Variants in DOCK10 observed in about 807,000 individuals in gnomAD.
The protein encoded by DOCK10 is dedicator of cytokinesis 10.
DOCK10 carries 145 observed loss-of-function variants against 280.1 expected under a neutral mutation model. The ratio of observed to expected loss-of-function variants is 0.52; its 90% CI spans 0.45 to 0.59. The LOEUF is 0.59. Among genes scored for constraint, DOCK10 ranks in the 20% least tolerant of loss-of-function variants. The pLI, the probability that DOCK10 is intolerant of heterozygous loss-of-function variation, is 0.00. For synonymous variants in DOCK10, 915 were observed against 942.2 expected (o/e 0.97, Z 0.53); for missense variants, 2,368 against 2,651.7 (o/e 0.89, Z 2.35).
chr2:225,036,952 T>A (rs1019527208), intron 1 of DOCK10, among the ~76,000 whole-genome samples: 1 of 152,196 alleles, frequency 6.6e-6, no homozygotes, highest in African/African-American at 2.4e-5. Context: ...TACTATATTT[T>A]GTTGTTGTCA....
At chr2:225,026,469 T>A (rs1292923536) in intron 1 of DOCK10, among the ~76,000 whole-genome samples, 1 of 152,102 alleles carries the variant, frequency 6.6e-6, no homozygotes, top group East Asian at 1.9e-4. Context: ...CATAAATCAC[T>A]AAGGTCAGGG....
chr2:224,828,512 AGT>A (rs1329420324), intron 27 of DOCK10, among the ~76,000 whole-genome samples: 1 of 152,222 alleles, frequency 6.6e-6, no homozygotes, highest in East Asian at 1.9e-4. Flanking sequence ...AAGATCCACC[AGT>A]GTATCAAGTT....
At position 224,892,905 on chromosome 2, in the gene DOCK10, T is replaced by C. The variant is rs557341591; in HGVS notation, c.416+3390A>G. ...ACATGTCTGTGGGGCTACTATGCAA[T>C]GACTTCTCTCTTTTAAAGGTCATGA... On this transcript the variant is annotated intron_variant, in intron 4 of 55. Transcript: ENST00000258390. Among the ~76,000 whole-genome samples, 13 of 152,352 alleles carry C rather than the reference T, an allele frequency of 8.5e-5. 1 individual carries two copies. The highest frequency in any genetic ancestry group is 7.7e-4 in the East Asian group (4 of 5,188).
intron 1 of DOCK10, among the ~76,000 whole-genome samples, chr2:225,026,922 G>A (rs1299672847): frequency 6.6e-6 from 1 of 152,100 alleles, no homozygotes; most frequent in Non-Finnish European, 1.5e-5. Context: ...TCTGTTTATT[G>A]ATGAATCAAA....
At chr2:225,031,670 C>G (rs751890564) in intron 1 of DOCK10, among the ~76,000 whole-genome samples, 2 of 152,148 alleles carry the variant, frequency 1.3e-5, no homozygotes, top group African/African-American at 2.4e-5. Flanking sequence ...AACTTCTGCT[C>G]ATGTATGTTC....
chr2:224,793,529 G>T, intron 45 of DOCK10, 72 bp from the exon 46 acceptor site: 2 of 1,190,248 alleles, frequency 1.7e-6, no homozygotes, highest in Non-Finnish European at 1.2e-6. Flanking sequence ...CTTCCAAGGC[G>T]AGTCAGTATT....
At chr2:225,036,258 A>G (rs1242207087) in intron 1 of DOCK10, among the ~76,000 whole-genome samples, 1 of 152,172 alleles carries the variant, frequency 6.6e-6, no homozygotes, top group Non-Finnish European at 1.5e-5. Flanking sequence ...AAGGGGCTAG[A>G]TGGTAGATGG....
chr2:224,902,421 G>A (rs1254244158), intron 3 of DOCK10, among the ~76,000 whole-genome samples: 2 of 152,164 alleles, frequency 1.3e-5, no homozygotes, highest in Non-Finnish European at 2.9e-5. Context: ...GTAAAACGAT[G>A]GTGGCAATTT....
intron 3 of DOCK10, among the ~76,000 whole-genome samples, chr2:224,913,634 A>T (rs970057797): frequency 6.6e-6 from 1 of 152,272 alleles, no homozygotes; most frequent in East Asian, 1.9e-4. Context: ...TATTTGGTTA[A>T]ATCTGTCAGT....
intron 1 of DOCK10, among the ~76,000 whole-genome samples, chr2:224,932,035 C>T (rs565085907): frequency 1.3e-5 from 2 of 152,226 alleles, no homozygotes; most frequent in African/African-American, 4.8e-5. Context: ...TGATGATTAT[C>T]ATCATTTCTT....
rs751520033 is a variant in DOCK10 at position 224,773,327 on chromosome 2, C to A, written c.6034G>T (p.Val2012Leu). 1.9e-6 allele frequency: 3 copies of A among 1,612,028 alleles called. No homozygotes were observed. The highest frequency in any genetic ancestry group is 2.5e-6 in the Non-Finnish European group (3 of 1,179,084). Residue 2012 changes from valine to leucine, a missense_variant, in exon 53 of 56, where the codon GTG (valine) becomes TTG (leucine). This residue lies in a region of DOCK10 where 1,159 missense variants were observed against 1,400.8 expected (regional missense o/e 0.83). Transcript: ENST00000258390. Reference protein sequence around the residue: ...ILTTSHLFPYVKKRIQVISQS... With the variant: ...ILTTSHLFPYLKKRIQVISQS... ...CTAATTACTTGTATTCTCTTCTTCACGTAGGGGAACAGGTGACTCGCTGTA... is the reference window on the plus strand; with the variant it reads ...CTAATTACTTGTATTCTCTTCTTCAAGTAGGGGAACAGGTGACTCGCTGTA...
chr2:224,855,036 G>C lies in DOCK10; in HGVS notation c.1815C>G (p.Asp605Glu). The change falls in exon 16 of 56, where the codon GAC becomes GAG. Residue 605 changes from aspartate to glutamate, a missense_variant. Physicochemically the swap from Asp to Glu is conservative, Grantham distance 45. Coordinates refer to ENST00000258390, the MANE Select transcript of DOCK10 (RefSeq NM_014689.3). The stretch of plus-strand genomic sequence containing the variant: ...GAATGGTCTGCATTTTGCTTATTCT[G>C]TCGGCCCTGTAAGAGTGCATGAGCA... ...VKLVSDYRRA[D>E]RISKMQTIPG... is the part of the protein sequence containing the mutation. The C allele has an allele frequency of 6.3e-7, 1 of 1,595,966 alleles. No individual in the cohort carries two copies. The highest frequency in any genetic ancestry group is 1.4e-5 in the African/African-American group (1 of 72,112).
At chr2:224,952,714 T>C (rs1703822268) in intron 1 of DOCK10, among the ~76,000 whole-genome samples, 1 of 149,424 alleles carries the variant, frequency 6.7e-6, no homozygotes, top group Admixed American at 6.7e-5. Context: ...TGCCTCAGCC[T>C]CCCAAGTAGC....
At chr2:224,939,217 C>T (rs925099009) in intron 1 of DOCK10, among the ~76,000 whole-genome samples, 2 of 152,188 alleles carry the variant, frequency 1.3e-5, no homozygotes, top group African/African-American at 4.8e-5. Flanking sequence ...TGTATTGTTA[C>T]ATTCAACACA....
chr2:225,032,075 C>A (rs1175181597), intron 1 of DOCK10, among the ~76,000 whole-genome samples: 2 of 152,142 alleles, frequency 1.3e-5, no homozygotes, highest in African/African-American at 4.8e-5. Flanking sequence ...ATATCTTAAT[C>A]AATAATCATC....
intron 1 of DOCK10, among the ~76,000 whole-genome samples, chr2:224,940,026 G>A (rs2126066635): frequency 6.6e-6 from 1 of 152,228 alleles, no homozygotes; most frequent in Middle Eastern, 3.4e-3. Context: ...AAGCAGCCTT[G>A]GTGGATTTGA....
chr2:224,769,652 C>A (rs2124939954), intron 55 of DOCK10, among the ~76,000 whole-genome samples: 1 of 152,318 alleles, frequency 6.6e-6, no homozygotes, highest in Admixed American at 6.5e-5. Context: ...TGCAGCCTTG[C>A]AGAACATGCT....
chr2:224,859,751 G>A (rs1421351136), intron 14 of DOCK10, among the ~76,000 whole-genome samples: 7 of 152,186 alleles, frequency 4.6e-5, no homozygotes, highest in African/African-American at 1.4e-4. Context: ...TCTAGAAAGC[G>A]TAACAGGAAG....
chr2:224,894,318 C>T (rs182541792), intron 4 of DOCK10, among the ~76,000 whole-genome samples: 1 of 152,238 alleles, frequency 6.6e-6, no homozygotes, highest in African/African-American at 2.4e-5. Context: ...TCTTTCTTTA[C>T]AGCATCATGA....
Sources: allele counts gnomAD v4.1 joint callset (sites outside exome capture counted in the v4.1 genomes callset), GRCh38; gene constraint gnomAD v4.1.1; regional missense constraint gnomAD v4.1.1; transcripts MANE v1.5; gene names NCBI Gene and HGNC (gene_info 2026-07-23, HGNC 2026-07-21).